Variants in RGS6 observed in about 807,000 individuals in gnomAD.
RGS6 encodes the protein regulator of G protein signaling 6, also known as regulator of G-protein signaling 6.
A neutral mutation model predicts 78.5 loss-of-function variants in RGS6; 30 were observed. The ratio of observed to expected loss-of-function variants is 0.38; its 90% confidence interval spans 0.29 to 0.52. RGS6 has a LOEUF of 0.52. RGS6 is among the 20% of genes least tolerant of loss of function. RGS6 has a pLI of 0.85. For synonymous variants in RGS6, 206 were observed against 206.0 expected, an observed-to-expected ratio of 1.00 and a Z score of 0.00; for missense variants, 495 against 609.7, an observed-to-expected ratio of 0.81 and a Z score of 1.98.
At chr14:72,448,594 C>T (rs1434365538) in intron 3 of RGS6, among the ~76,000 whole-genome samples, 2 of 151,930 alleles carry the variant, frequency 1.3e-5, no homozygotes, top group African/African-American at 4.8e-5. Flanking sequence ...ATGCTATTTA[C>T]AACATAGGAT....
the RGS6 span, among the ~76,000 whole-genome samples, chr14:72,576,892 T>C: frequency 6.6e-6 from 1 of 152,242 alleles, no homozygotes; most frequent in Admixed American, 6.5e-5. Flanking sequence ...GACAGTCTAA[T>C]GCTCTGAGAT....
intron 2 of RGS6, among the ~76,000 whole-genome samples, chr14:72,032,119 C>G (rs1226150427): frequency 6.6e-6 from 1 of 152,094 alleles, no homozygotes; most frequent in Non-Finnish European, 1.5e-5. Flanking sequence ...AGAGACCACA[C>G]CTTTTTTTCA....
chr14:72,028,927 C>T (rs1052195297), intron 2 of RGS6, among the ~76,000 whole-genome samples: 4 of 152,218 alleles, frequency 2.6e-5, no homozygotes, highest in East Asian at 1.9e-4. Flanking sequence ...AAATATTTGG[C>T]GTCATAAAAG....
At chr14:72,174,894 T>C (rs980819972) in intron 2 of RGS6, among the ~76,000 whole-genome samples, 3 of 152,232 alleles carry the variant, frequency 2.0e-5, no homozygotes, top group African/African-American at 7.2e-5. Context: ...GCATTTTCTC[T>C]ACTGGCTATG....
chr14:72,445,273 T>C (rs2095335480), intron 3 of RGS6, among the ~76,000 whole-genome samples: 1 of 152,216 alleles, frequency 6.6e-6, no homozygotes, highest in Admixed American at 6.5e-5. Flanking sequence ...TACTACAACC[T>C]CCGCCTCCCA....
At chr14:72,271,866 C>T (rs2059992224) in intron 2 of RGS6, among the ~76,000 whole-genome samples, 1 of 151,712 alleles carries the variant, frequency 6.6e-6, no homozygotes, top group East Asian at 1.9e-4. Context: ...CTCTTTGCCC[C>T]TTCCCTTCTT....
At chr14:72,094,657 A>G (rs1026580117) in intron 2 of RGS6, among the ~76,000 whole-genome samples, 2 of 152,152 alleles carry the variant, frequency 1.3e-5, no homozygotes, top group African/African-American at 4.8e-5. Context: ...CTGTACTGCT[A>G]TCTTTAGGAA....
chr14:72,107,767 CCAAA>C (rs1380716457), intron 2 of RGS6, among the ~76,000 whole-genome samples: 8 of 151,904 alleles, frequency 5.3e-5, no homozygotes, highest in African/African-American at 1.5e-4. Context: ...TTTTTCCTGC[CCAAA>C]CAATCTTGAT....
the RGS6 span, among the ~76,000 whole-genome samples, chr14:71,888,418 CAA>C: frequency 7.1e-3 from 1,017 of 143,600 alleles, 7 homozygotes; most frequent in African/African-American, 0.025. Context: ...AGCTCTGTCT[CAA>C]AAAAAAAAAA....
intron 2 of RGS6, among the ~76,000 whole-genome samples, chr14:72,087,720 G>C (rs2095107343): frequency 6.6e-6 from 1 of 151,698 alleles, no homozygotes; most frequent in East Asian, 1.9e-4. Context: ...TGGTAATGTT[G>C]TAATTTTTGG....
intron 17 of RGS6, chr14:72,541,414 C>T (rs2097325003): frequency 6.6e-7 from 1 of 1,511,286 alleles, no homozygotes; most frequent in East Asian, 2.5e-5. Flanking sequence ...CATCGGTATC[C>T]ATCCCTTCCC....
At chr14:72,351,697 CT>C (rs767716957) in intron 2 of RGS6, among the ~76,000 whole-genome samples, 12 of 152,038 alleles carry the variant, frequency 7.9e-5, no homozygotes, top group Admixed American at 2.6e-4. Context: ...AAGAAATTGC[CT>C]TTGTGGAAGG....
intron 1 of RGS6, among the ~76,000 whole-genome samples, chr14:71,936,167 C>T (rs1555390687): frequency 6.6e-6 from 1 of 150,620 alleles, no homozygotes. Context: ...TTACATGGTC[C>T]CAAGGTCCCA....
chr14:72,206,389 A>G (rs847297), intron 2 of RGS6, among the ~76,000 whole-genome samples: 56,491 of 151,982 alleles, frequency 0.37, 10,810 homozygotes, highest in South Asian at 0.49. Flanking sequence ...GTAGAGCAAT[A>G]TTTTAATATA....
chr14:72,363,822 A>G (rs1417768040), intron 3 of RGS6, among the ~76,000 whole-genome samples: 1 of 152,046 alleles, frequency 6.6e-6, no homozygotes, highest in East Asian at 1.9e-4. Context: ...GTCCAGTACA[A>G]AGGGCAGTCA....
rs756831477 is a variant in RGS6 at position 72,352,179 on chromosome 14, C to T, written c.169C>T (p.Pro57Ser). The T allele has an allele frequency of 2.5e-6, 4 of 1,612,964 alleles. No homozygotes were observed. In the South Asian group the frequency reaches 4.4e-5, roughly 18 times the overall value. The change falls in exon 3 of 18, where the codon CCC becomes TCC. Residue 57 changes from proline (P) to serine (S), a missense_variant. By Grantham distance (74) the Pro-to-Ser change is moderately conservative (BLOSUM62 -1). Transcript: ENST00000553525. ...RTVKSFLSKIPSVVTGTDIVQ... is the reference protein window; with the variant it reads ...RTVKSFLSKISSVVTGTDIVQ... ...AGTCAAGAGCTTTCTCTCCAAAATC[C>T]CCAGTGTCGTCACAGGTAACACCCT...
chr14:72,325,812 T>C (rs2073589178), intron 2 of RGS6, among the ~76,000 whole-genome samples: 1 of 152,112 alleles, frequency 6.6e-6, no homozygotes, highest in Non-Finnish European at 1.5e-5. Context: ...TAAATGTATA[T>C]TAAGACTACT....
At chr14:72,247,625 G>A (rs1055283450) in intron 2 of RGS6, among the ~76,000 whole-genome samples, 2 of 152,208 alleles carry the variant, frequency 1.3e-5, no homozygotes, top group Non-Finnish European at 2.9e-5. Flanking sequence ...TTCATGTGTT[G>A]AAAATGTAAT....
At chr14:72,073,880 T>C (rs1206444904) in intron 2 of RGS6, among the ~76,000 whole-genome samples, 1 of 152,200 alleles carries the variant, frequency 6.6e-6, no homozygotes, top group East Asian at 1.9e-4. Flanking sequence ...TTATTACTAT[T>C]ATTGGATATT....
Sources: allele counts gnomAD v4.1 joint callset (sites outside exome capture counted in the v4.1 genomes callset), GRCh38; gene constraint gnomAD v4.1.1; transcripts MANE v1.5; gene names NCBI Gene and HGNC (gene_info 2026-07-23, HGNC 2026-07-21).